Variants in ANKRD28 observed in about 807,000 individuals in gnomAD.
ANKRD28 encodes the protein serine/threonine-protein phosphatase 6 regulatory ankyrin repeat subunit A.
A neutral mutation model predicts 126.5 loss-of-function variants in ANKRD28; 44 were observed. That is an observed-to-expected ratio of 0.35 (90% CI 0.27 to 0.45). ANKRD28 has a LOEUF of 0.45. Among genes scored for constraint, ANKRD28 ranks in the 20% least tolerant of loss-of-function variants. The probability of loss-of-function intolerance (pLI) is 1.00; values close to 1 mark genes in which losing one functional copy is unlikely to be tolerated. For synonymous variants in ANKRD28, 442 were observed against 468.5 expected (o/e 0.94, Z 0.73); for missense variants, 1,110 against 1,316.6 (o/e 0.84, Z 2.43).
intron 18 of ANKRD28, among the ~76,000 whole-genome samples, chr3:15,688,174 C>T (rs1201966387): frequency 6.6e-6 from 1 of 152,198 alleles, no homozygotes; most frequent in Non-Finnish European, 1.5e-5. Context: ...TGCAACCACT[C>T]CATGCAAGCT....
intron 14 of ANKRD28, among the ~76,000 whole-genome samples, chr3:15,700,169 C>T (rs149724849): frequency 0.018 from 2,792 of 152,170 alleles, 203 homozygotes; most frequent in Admixed American, 0.11. Flanking sequence ...CTCACTCATA[C>T]GTGGGAGCTG....
chr3:15,729,222 T>G (rs1375162887), intron 6 of ANKRD28, among the ~76,000 whole-genome samples: 1 of 152,206 alleles, frequency 6.6e-6, no homozygotes, highest in Non-Finnish European at 1.5e-5. Context: ...AACTTGTCAC[T>G]TTTTGTCAGA....
rs1212371896 is a variant in ANKRD28, at chr3:15,735,337, A to C, written c.640+73T>G. On this transcript the variant is annotated intron_variant, in intron 6 of 27. Transcript: ENST00000683139. Reference sequence around the variant, plus strand: ...GTACCCTTAAAGACAAATGCTATACAAACAGCAAGAACTTGAAATGTACAA... The same window carrying C: ...GTACCCTTAAAGACAAATGCTATACCAACAGCAAGAACTTGAAATGTACAA... 5 of 1,263,456 alleles carry C rather than the reference A, an allele frequency of 4.0e-6. No individual in the cohort carries two copies. In the Admixed American group the frequency reaches 9.0e-5, roughly 23 times the overall value. The allele number at this position is 1,263,456 out of a possible 1,614,324, so 78.3% of individuals were successfully genotyped here.
chr3:15,745,288 T>A (rs904282595), intron 4 of ANKRD28, among the ~76,000 whole-genome samples: 2 of 152,220 alleles, frequency 1.3e-5, no homozygotes, highest in Non-Finnish European at 2.9e-5. Context: ...CGTCTTTGCC[T>A]AAACCAATGT....
rs2060802059 is a variant in ANKRD28 at position 15,814,926 on chromosome 3, A to C, written c.28-19620T>G. Among the ~76,000 whole-genome samples the C allele has an allele frequency of 6.6e-6, 1 of 150,574 alleles. No individual in the cohort carries two copies. ...ATACTTTTTTAAAGGTTAGGATAATACATACATATTATTTAGTAACTTGCT... is the reference window on the plus strand; with the variant it reads ...ATACTTTTTTAAAGGTTAGGATAATCCATACATATTATTTAGTAACTTGCT... On this transcript the variant is annotated intron_variant, in intron 1 of 27. Transcript: ENST00000399451. The surrounding 1 kb of genome is among the most constrained non-coding windows in gnomAD (Gnocchi z 4.7).
intron 14 of ANKRD28, among the ~76,000 whole-genome samples, chr3:15,701,978 A>T (rs932982686): frequency 1.3e-5 from 2 of 152,058 alleles, no homozygotes; most frequent in Non-Finnish European, 2.9e-5. Flanking sequence ...GATGTTAGTG[A>T]TAAAACAGAA....
intron 1 of ANKRD28, among the ~76,000 whole-genome samples, chr3:15,808,087 C>T (rs2060626826): frequency 6.6e-6 from 1 of 152,186 alleles, no homozygotes; most frequent in South Asian, 2.1e-4. Context: ...AATCACAAGG[C>T]TAAGCAGTAG....
intron 14 of ANKRD28, among the ~76,000 whole-genome samples, chr3:15,699,627 C>T (rs573150838): frequency 6.6e-6 from 1 of 151,822 alleles, no homozygotes; most frequent in Admixed American, 6.6e-5. Context: ...AATAGACATA[C>T]AAAAAAATGC....
chr3:15,852,600 G>A (rs1365511131), intron 1 of ANKRD28, among the ~76,000 whole-genome samples: 2 of 152,142 alleles, frequency 1.3e-5, no homozygotes, highest in Admixed American at 6.5e-5. Context: ...TTGGGAGGCC[G>A]AGGCGGGCGG....
At chr3:15,717,813 A>G (rs1050743278) in intron 8 of ANKRD28, among the ~76,000 whole-genome samples, 1 of 152,330 alleles carries the variant, frequency 6.6e-6, no homozygotes, top group African/African-American at 2.4e-5. Context: ...TATAAACCTG[A>G]TTCATTTTAC....
intron 8 of ANKRD28, among the ~76,000 whole-genome samples, chr3:15,716,448 C>T (rs934461373): frequency 2.0e-5 from 3 of 151,914 alleles, no homozygotes; most frequent in African/African-American, 2.4e-5. Flanking sequence ...TGTAACATTA[C>T]ACCTGGCTAA....
chr3:15,822,385 G>A (rs907448346), intron 1 of ANKRD28, among the ~76,000 whole-genome samples: 2 of 152,094 alleles, frequency 1.3e-5, no homozygotes, highest in African/African-American at 4.8e-5. Flanking sequence ...GAATTCAGTG[G>A]ACAAACACAA....
At chr3:15,851,292 G>A (rs2061645327) in intron 1 of ANKRD28, among the ~76,000 whole-genome samples, 1 of 151,972 alleles carries the variant, frequency 6.6e-6, no homozygotes, top group Admixed American at 6.6e-5. Flanking sequence ...TAGCACTTTG[G>A]TAGGCTGGGG....
chr3:15,677,647 C>A, intron 24 of ANKRD28, 85 bp from the exon 25 acceptor site: 5 of 1,027,654 alleles, frequency 4.9e-6, no homozygotes, highest in Admixed American at 5.1e-5. Flanking sequence ...AATGAAGATA[C>A]AAAGCAAAAA....
Position 15,805,106 on chromosome 3 carries a change from A to G in ANKRD28, c.28-9800T>C, listed in dbSNP as rs1575739352. ...TTACACATATGAACTTAAGGTTTAA[A>G]TCAATATTTAGATGACTATTTTTAG... On this transcript the variant is annotated intron_variant, in intron 1 of 27. Coordinates refer to the ANKRD28 transcript ENST00000399451. Among the ~76,000 whole-genome samples, 2 of 145,254 alleles carry G rather than the reference A, an allele frequency of 1.4e-5. 1 individual carries two copies. The highest frequency in any genetic ancestry group is 6.0e-4 in the East Asian group (2 of 3,330).
At chr3:15,791,151 T>TC (rs1297053630) in intron 2 of ANKRD28, among the ~76,000 whole-genome samples, 1 of 152,114 alleles carries the variant, frequency 6.6e-6, no homozygotes, top group Non-Finnish European at 1.5e-5. Context: ...GGAAAAATAT[T>TC]CCATGTTCAT....
chr3:15,851,652 T>C (rs1017124131), intron 1 of ANKRD28, among the ~76,000 whole-genome samples: 3 of 152,026 alleles, frequency 2.0e-5, no homozygotes, highest in Non-Finnish European at 4.4e-5. Flanking sequence ...TAACGAGTAG[T>C]ATTGAGGATG....
At position 15,797,162 on chromosome 3, in the gene ANKRD28, AG is replaced by A. The variant is rs1461430664; in HGVS notation, c.-642del. On this transcript the variant is annotated 5_prime_UTR_variant, in exon 1 of 28. Coordinates refer to ENST00000683139, the MANE Select transcript of ANKRD28 (RefSeq NM_001349278.2). ...CACAAATCCTGAAAATGAAGCTCAG[AG>A]GTTAACAATTCTTTCAGTGTTTGGG... The A allele has an allele frequency of 4.3e-6, 4 of 928,448 alleles. No homozygotes were observed. The African/African-American group carries it at 7.3e-5, about 17-fold the overall frequency. The allele number at this position is 928,448 out of a possible 1,614,324, so 57.5% of individuals were successfully genotyped here.
intron 1 of ANKRD28, among the ~76,000 whole-genome samples, chr3:15,820,536 CTT>C (rs1156462826): frequency 6.6e-6 from 1 of 152,140 alleles, no homozygotes; most frequent in African/African-American, 2.4e-5. Context: ...GAGAAAGAGA[CTT>C]AGGAAACTAA....
Sources: allele counts gnomAD v4.1 joint callset (sites outside exome capture counted in the v4.1 genomes callset), GRCh38; gene constraint gnomAD v4.1.1; non-coding constraint Gnocchi (gnomAD v3.1); transcripts MANE v1.5; gene names NCBI Gene and HGNC (gene_info 2026-07-23, HGNC 2026-07-21).